The following LRP11 variants were observed in gnomAD, a reference collection of about 807,000 sequenced individuals.
LRP11 encodes the protein LDL receptor related protein 11, also known as low-density lipoprotein receptor-related protein 11.
A neutral mutation model predicts 43.1 loss-of-function variants in LRP11; 25 were observed. The ratio of observed to expected loss-of-function variants is 0.58; its 90% CI spans 0.42 to 0.81. The LOEUF is 0.81. Ranked by LOEUF, LRP11 falls within the 30% of genes least tolerant of loss-of-function variation. LRP11 has a pLI of 0.00. For missense variants in LRP11, 623 were observed against 665.1 expected, an observed-to-expected ratio of 0.94 and a Z score of 0.70; for synonymous variants, 316 against 299.4, an observed-to-expected ratio of 1.06 and a Z score of -0.57.
rs1776998471 is a variant in LRP11 at position 149,864,158 on chromosome 6, C to T, written c.-138G>A. 12 of 1,148,738 alleles carry T rather than the reference C, an allele frequency of 1.0e-5. No homozygotes were observed. The highest frequency in any genetic ancestry group is 1.1e-5 in the Non-Finnish European group (10 of 935,668). The allele number at this position is 1,148,738 out of a possible 1,614,324, so 71.2% of individuals were successfully genotyped here. The stretch of plus-strand genomic sequence containing the variant: ...GGCCCCGGCCTCACAGCGCGGCGCC[C>T]CCGAACCCGGCTGCTCCCCCGAGGT... On this transcript the variant is annotated 5_prime_UTR_variant, in exon 1 of 7. Coordinates refer to ENST00000239367, the MANE Select transcript of LRP11 (RefSeq NM_032832.6).
rs1239910090 is a variant in LRP11 at position 149,834,280 on chromosome 6, TAA to T, written c.1252+1803_1252+1804del. 7.9e-5 allele frequency among the ~76,000 whole-genome samples: 12 copies of T among 152,194 alleles called. No individual in the cohort carries two copies. The East Asian group carries it at 2.3e-3, about 29-fold the overall frequency. On this transcript the variant is annotated intron_variant, in intron 5 of 6. Transcript: ENST00000239367. The stretch of plus-strand genomic sequence containing the variant: ...CTAGCATGGGTAAGGGCTGATGGGG[TAA>T]AGTATGAATGTCAGCCTATTTATCA...
intron 5 of LRP11, among the ~76,000 whole-genome samples, chr6:149,830,076 T>G (rs918530241): frequency 4.1e-5 from 6 of 147,206 alleles, no homozygotes; most frequent in African/African-American, 1.5e-4. Context: ...ACTGGCGCAA[T>G]CTCGGCTCAC....
At chr6:149,832,818 T>C (rs1738666102) in intron 5 of LRP11, among the ~76,000 whole-genome samples, 1 of 150,100 alleles carries the variant, frequency 6.7e-6, no homozygotes, top group Non-Finnish European at 1.5e-5. Context: ...ATTTTTTTAT[T>C]TTATTTTTGA....
chr6:149,863,897 C>T lies in LRP11; in HGVS notation c.124G>A (p.Ala42Thr), dbSNP rs776207297. ...GCGTGCAGTTCGGACAGCGGCGCCG[C>T]GGGCGGCAAGGCCGCACGGCCGCTT... Reference protein sequence around the residue: ...LPSGRAALPPAAPLSELHAQL... With the variant: ...LPSGRAALPPTAPLSELHAQL... The change falls in exon 1 of 7, where the codon GCG becomes ACG. Residue 42 changes from alanine to threonine, a missense_variant. Transcript: ENST00000239367. 1.0e-5 allele frequency: 15 copies of T among 1,484,970 alleles called. No individual in the cohort carries two copies. In the South Asian group the frequency reaches 1.3e-4, roughly 12 times the overall value. 92.0% of individuals were successfully genotyped at this position (1,484,970 alleles called of 1,614,324 possible). A position where few individuals can be genotyped will look rare whatever the true frequency, so the allele number is the denominator to read the frequency against.
At position 149,863,521 on chromosome 6, in the gene LRP11, G is replaced by A; in HGVS notation, c.500C>T (p.Ala167Val). 7 of 1,349,210 alleles carry A rather than the reference G, an allele frequency of 5.2e-6. No homozygotes were observed. Among genetic ancestry groups the A allele is most frequent in the Admixed American group, 4.0e-5 (1 of 24,712 alleles). The allele number at this position is 1,349,210 out of a possible 1,614,324, so 83.6% of individuals were successfully genotyped here. ...GAACTTGCAGACGTTGCGGCCGCGC[G>A]CCGTGCAGTTGAAGAGGTAGCAGCC... is the stretch of plus-strand genomic sequence containing the variant. ...VLGCYLFNCT[A>V]RGRNVCKFAL... Residue 167 changes from alanine to valine, a missense_variant, in exon 1 of 7, where the codon GCG becomes GTG. Transcript: ENST00000239367.
At chr6:149,859,396 A>ATATATGTTTTTTTT in intron 1 of LRP11, among the ~76,000 whole-genome samples, 1 of 71,512 alleles carries the variant, frequency 1.4e-5, no homozygotes, top group African/African-American at 8.2e-5. Context: ...ATATATATAT[A>ATATATGTTTTTTTT]TTTTTTTTTT....
rs1372745627 is a variant in LRP11, at chr6:149,843,109, T to A, written c.787A>T (p.Thr263Ser). The change falls in exon 3 of 7, where the codon ACC (threonine) becomes TCC (serine). Residue 263 changes from threonine (T) to serine (S), a missense_variant. Transcript: ENST00000239367. ...TCCTGTAGGTGGGACAGCTTCAGGG[T>A]TCCTGATTGAGGCACCTGCCACACA... Reference protein sequence around the residue: ...SVDMKVPQSGTLKLSHLQEGT... With the variant: ...SVDMKVPQSGSLKLSHLQEGT... The A allele has an allele frequency of 6.2e-7, 1 of 1,614,036 alleles. No individual in the cohort carries two copies. Among genetic ancestry groups the A allele is most frequent in the South Asian group, 1.1e-5 (1 of 91,082 alleles).
At chr6:149,851,701 C>T (rs1261981016) in intron 2 of LRP11, among the ~76,000 whole-genome samples, 2 of 152,184 alleles carry the variant, frequency 1.3e-5, no homozygotes, top group African/African-American at 2.4e-5. Flanking sequence ...AAAAGTCAGA[C>T]AGATGGCAGA....
intron 1 of LRP11, among the ~76,000 whole-genome samples, chr6:149,855,416 T>A (rs1776783565): frequency 6.6e-6 from 1 of 152,134 alleles, no homozygotes; most frequent in Admixed American, 6.5e-5. Context: ...AGGTGCACAC[T>A]CTCACACAGG....
chr6:149,842,946 C>G (rs745965879), intron 3 of LRP11, 37 bp downstream of exon 3: 3 of 1,611,940 alleles, frequency 1.9e-6, no homozygotes, highest in Admixed American at 1.7e-5. Context: ...TTGCCTTCCA[C>G]AAGCAGTGGG....
At chr6:149,857,446 G>A (rs1400623088) in intron 1 of LRP11, among the ~76,000 whole-genome samples, 2 of 151,550 alleles carry the variant, frequency 1.3e-5, no homozygotes, top group East Asian at 1.9e-4. Context: ...TCAAAGCTAC[G>A]GTGAGCCAAG....
intron 6 of LRP11, among the ~76,000 whole-genome samples, chr6:149,822,956 T>C (rs560349058): frequency 6.6e-6 from 1 of 151,780 alleles, no homozygotes; most frequent in Non-Finnish European, 1.5e-5. Context: ...AGCATAAAGG[T>C]GGTAGCTGCA....
Position 149,845,466 on chromosome 6 carries a change from C to T in LRP11, c.772-2342G>A, listed in dbSNP as rs190979533. Among the ~76,000 whole-genome samples the T allele has an allele frequency of 6.6e-5, 10 of 152,336 alleles. No homozygotes were observed. In the East Asian group the frequency reaches 1.9e-3, roughly 29 times the overall value. The stretch of plus-strand genomic sequence containing the variant: ...ACTTTGGAGGGCTGGCAATGACGGC[C>T]ACCTGCCTTTTGTTGTTTATTTCAA... On this transcript the variant is annotated intron_variant, in intron 2 of 6. Transcript: ENST00000239367.
At chr6:149,847,957 C>A (rs947707937) in intron 2 of LRP11, among the ~76,000 whole-genome samples, 4 of 151,724 alleles carry the variant, frequency 2.6e-5, no homozygotes, top group African/African-American at 9.7e-5. Context: ...GGCCAGGATG[C>A]AGTTAGTTTT....
intron 5 of LRP11, among the ~76,000 whole-genome samples, chr6:149,830,007 CTTTTTTT>C (rs59467230): frequency 1.6e-5 from 2 of 127,456 alleles, no homozygotes; most frequent in Non-Finnish European, 3.3e-5. Context: ...TTATTATCCT[CTTTTTTT>C]TTTTTTTTTT....
At chr6:149,834,193 A>T (rs1026807941) in intron 5 of LRP11, among the ~76,000 whole-genome samples, 3 of 152,186 alleles carry the variant, frequency 2.0e-5, no homozygotes, top group African/African-American at 4.8e-5. Context: ...CACTATTTTC[A>T]AAAGGATTCT....
intron 1 of LRP11, among the ~76,000 whole-genome samples, chr6:149,856,036 T>C (rs1776794298): frequency 2.0e-5 from 3 of 152,238 alleles, no homozygotes; most frequent in Non-Finnish European, 4.4e-5. Flanking sequence ...TTCCACACAA[T>C]GGTTTATGAC....
At chr6:149,825,904 C>T (rs1776332979) in intron 6 of LRP11, among the ~76,000 whole-genome samples, 2 of 152,196 alleles carry the variant, frequency 1.3e-5, no homozygotes, top group African/African-American at 2.4e-5. Flanking sequence ...CTGCCTTGGC[C>T]TCCCAAAGTG....
chr6:149,831,645 A>G (rs1402585461), intron 5 of LRP11, among the ~76,000 whole-genome samples: 1 of 152,216 alleles, frequency 6.6e-6, no homozygotes, highest in Non-Finnish European at 1.5e-5. Flanking sequence ...TAAATCCCCA[A>G]AAGTGGGACA....
Sources: allele counts gnomAD v4.1 joint callset (sites outside exome capture counted in the v4.1 genomes callset), GRCh38; gene constraint gnomAD v4.1.1; transcripts MANE v1.5; gene names NCBI Gene and HGNC (gene_info 2026-07-23, HGNC 2026-07-21).